Variants in IQSEC1 observed in about 807,000 individuals in gnomAD.
IQSEC1 encodes the protein IQ motif and Sec7 domain ArfGEF 1, also known as IQ motif and SEC7 domain-containing protein 1.
IQSEC1 carries 31 observed loss-of-function variants against 91.0 expected under a neutral mutation model. That is an observed-to-expected ratio of 0.34 (90% CI 0.26 to 0.46). The LOEUF is 0.46. Among genes scored for constraint, IQSEC1 ranks in the 20% least tolerant of loss-of-function variants. The probability of loss-of-function intolerance (pLI) is 1.00; values close to 1 mark genes in which losing one functional copy is unlikely to be tolerated. For missense variants in IQSEC1, 1,388 were observed against 1,575.6 expected (o/e 0.88, Z 2.02); for synonymous variants, 699 against 662.6 (o/e 1.05, Z -0.84).
chr3:13,199,190 AG>A (rs1028899697), intron 1 of IQSEC1, among the ~76,000 whole-genome samples: 1 of 152,198 alleles, frequency 6.6e-6, no homozygotes, highest in Non-Finnish European at 1.5e-5. Context: ...CTCAGCCCGG[AG>A]GAGGCACTGG....
intron 2 of IQSEC1, among the ~76,000 whole-genome samples, chr3:13,134,832 C>T (rs1342946499): frequency 6.6e-6 from 1 of 152,178 alleles, no homozygotes; most frequent in Non-Finnish European, 1.5e-5. Flanking sequence ...AGAGTCCCCA[C>T]AGCTGGCCCA....
intron 3 of IQSEC1, among the ~76,000 whole-genome samples, chr3:12,926,060 C>T (rs1292583937): frequency 1.3e-5 from 2 of 152,168 alleles, no homozygotes; most frequent in African/African-American, 4.8e-5. Context: ...CCTGTAATTC[C>T]AGTACTTCAG....
At chr3:13,234,621 C>T (rs960879290) in intron 1 of IQSEC1, among the ~76,000 whole-genome samples, 3 of 152,152 alleles carry the variant, frequency 2.0e-5, no homozygotes, top group Non-Finnish European at 4.4e-5. Flanking sequence ...AAAAGAAACC[C>T]ACACAGGTTA....
chr3:12,996,054 G>A (rs1340876832), intron 1 of IQSEC1, among the ~76,000 whole-genome samples: 1 of 152,094 alleles, frequency 6.6e-6, no homozygotes, highest in Non-Finnish European at 1.5e-5. Context: ...CCAGCTACTC[G>A]GGAGGCTGAG....
chr3:13,223,445 C>T (rs549377964), intron 1 of IQSEC1, among the ~76,000 whole-genome samples: 2 of 152,328 alleles, frequency 1.3e-5, no homozygotes, highest in East Asian at 3.9e-4. Flanking sequence ...AGCTTCTCCG[C>T]CCACCCAGCA....
chr3:12,941,030 T>C (rs377279753), intron 2 of IQSEC1, among the ~76,000 whole-genome samples: 1 of 152,176 alleles, frequency 6.6e-6, no homozygotes, highest in Non-Finnish European at 1.5e-5. Context: ...AATGAGGGGA[T>C]TTCCCACAGG....
At chr3:13,027,104 C>T (rs1220285583) in intron 1 of IQSEC1, among the ~76,000 whole-genome samples, 1 of 152,176 alleles carries the variant, frequency 6.6e-6, no homozygotes, top group Non-Finnish European at 1.5e-5. Context: ...AACTTCAAAA[C>T]CCTGGATCCC....
At position 13,045,493 on chromosome 3, in the gene IQSEC1, T is replaced by C. The variant is rs531656714; in HGVS notation, c.23+27499A>G. Among the ~76,000 whole-genome samples the C allele has an allele frequency of 1.2e-3, 182 of 152,264 alleles. 1 individual carries two copies. The highest frequency in any genetic ancestry group is 6.8e-3 in the Middle Eastern group (2 of 294). On this transcript the variant is annotated intron_variant, in intron 1 of 13. Transcript: ENST00000613206. Reference sequence around the variant, plus strand: ...ACGGCCTCCGCTCTGATCCCTGCTCTGTCCTCCAGGGAGTGAGGCACTGGG... The same window carrying C: ...ACGGCCTCCGCTCTGATCCCTGCTCCGTCCTCCAGGGAGTGAGGCACTGGG...
chr3:13,276,174 T>C (rs1028203156), intron 1 of IQSEC1, among the ~76,000 whole-genome samples: 1 of 139,362 alleles, frequency 7.2e-6, no homozygotes, highest in Admixed American at 8.1e-5. Context: ...CTGCAAGCTC[T>C]GCCTCCCAGG....
rs192997548 is a variant in IQSEC1 at position 13,241,920 on chromosome 3, C to T, written c.272+40791G>A. 1.8e-4 allele frequency among the ~76,000 whole-genome samples: 28 copies of T among 152,326 alleles called. No individual in the cohort carries two copies. In the East Asian group the frequency reaches 4.4e-3, roughly 24 times the overall value. On this transcript the variant is annotated intron_variant, in intron 1 of 15. Coordinates refer to the IQSEC1 transcript ENST00000648114. ...AGGAGGCAGATGGTGGAGAAGGTGG[C>T]GCCACTGAGTGAATGTGATTGACGC... is the stretch of plus-strand genomic sequence containing the variant.
intron 1 of IQSEC1, among the ~76,000 whole-genome samples, chr3:13,169,900 C>T (rs1002232723): frequency 6.6e-6 from 1 of 152,142 alleles, no homozygotes; most frequent in African/African-American, 2.4e-5. Flanking sequence ...TGCAGCCTGA[C>T]AATGAGATAG....
rs1385254794 is a variant in IQSEC1 at position 12,967,632 on chromosome 3, C to T, written c.24-25767G>A. On this transcript the variant is annotated intron_variant, in intron 1 of 13. Coordinates refer to ENST00000613206, the MANE Select transcript of IQSEC1 (RefSeq NM_001134382.3). This position sits in a 1 kb window ranked among gnomAD's most constrained non-coding sequence, Gnocchi z 5.9. ...CAGCGTCCGCCGGCTCCCGCGGCTC[C>T]GGCCCCAAGTCCGAGCCCCAGGCCA... 19 of 1,230,628 alleles carry T rather than the reference C, an allele frequency of 1.5e-5. No individual in the cohort carries two copies. The highest frequency in any genetic ancestry group is 4.1e-6 in the Non-Finnish European group (4 of 987,404). The allele number at this position is 1,230,628 out of a possible 1,614,324, so 76.2% of individuals were successfully genotyped here. A position where few individuals can be genotyped will look rare whatever the true frequency, so the allele number is the denominator to read the frequency against.
chr3:13,062,755 G>C (rs1395105070), intron 1 of IQSEC1, among the ~76,000 whole-genome samples: 2 of 152,156 alleles, frequency 1.3e-5, no homozygotes, highest in Non-Finnish European at 2.9e-5. Context: ...GGGCCAATGA[G>C]AGCCTTAAGA....
In IQSEC1 at chr3:13,015,750, C is replaced by T. The variant is rs1703097000; in HGVS notation, c.23+57242G>A. 6.1e-6 allele frequency: 6 copies of T among 985,066 alleles called. No individual in the cohort carries two copies. The South Asian group carries it at 2.3e-4, about 39-fold the overall frequency. 61.0% of individuals were successfully genotyped at this position (985,066 alleles called of 1,614,324 possible). On this transcript the variant is annotated intron_variant, in intron 1 of 13. Transcript: ENST00000613206. ...CACCCAGGGGAGAGGGTGCCAGGCA[C>T]CCTGGGGCCCCCGCCCACCTGCCCT...
rs986404469 is a variant in IQSEC1, at chr3:13,055,200, G to A, written c.23+17792C>T. Among the ~76,000 whole-genome samples the A allele has an allele frequency of 2.6e-5, 4 of 152,234 alleles. No homozygotes were observed. In the South Asian group the frequency reaches 6.2e-4, roughly 24 times the overall value. On this transcript the variant is annotated intron_variant, in intron 1 of 13. Coordinates refer to ENST00000613206, the MANE Select transcript of IQSEC1 (RefSeq NM_001134382.3). ...ACTGCCCTGCCCAGGAGCTCAGCCC[G>A]CCTGTGTCTGGAACACTCCCTCCTC... is the stretch of plus-strand genomic sequence containing the variant.
intron 1 of IQSEC1, among the ~76,000 whole-genome samples, chr3:13,247,169 C>G (rs1237347541): frequency 6.6e-6 from 1 of 152,170 alleles, no homozygotes; most frequent in African/African-American, 2.4e-5. Context: ...CGGTTGCTAA[C>G]TCATCCATAA....
At chr3:12,902,890 C>G in intron 12 of IQSEC1, 68 bp from the exon 13 acceptor site, 1 of 1,191,164 alleles carries the variant, frequency 8.4e-7, no homozygotes, top group Non-Finnish European at 1.3e-6. Flanking sequence ...CTGCCTGGTG[C>G]CACGCTGCTG....
chr3:13,103,182 G>A lies in IQSEC1; in HGVS notation c.303-55660C>T, dbSNP rs1280461633. ...GCCCCAGGCAGGTCAGTTCAGGGAAGGGGCCTGCATCGAACTCTCGCCACC... is the reference window on the plus strand; with the variant it reads ...GCCCCAGGCAGGTCAGTTCAGGGAAAGGGCCTGCATCGAACTCTCGCCACC... On this transcript the variant is annotated intron_variant, in intron 2 of 15. Transcript: ENST00000648114. This position sits in a 1 kb window ranked among gnomAD's most constrained non-coding sequence, Gnocchi z 4.1. 4.6e-5 allele frequency among the ~76,000 whole-genome samples: 7 copies of A among 152,256 alleles called. No homozygotes were observed. In the East Asian group the frequency reaches 1.4e-3, roughly 30 times the overall value.
chr3:13,197,472 G>A (rs956004115), intron 1 of IQSEC1, among the ~76,000 whole-genome samples: 5 of 152,150 alleles, frequency 3.3e-5, no homozygotes, highest in African/African-American at 9.7e-5. Context: ...CTCATCACCA[G>A]GCCAGCTGCA....
Sources: allele counts gnomAD v4.1 joint callset (sites outside exome capture counted in the v4.1 genomes callset), GRCh38; gene constraint gnomAD v4.1.1; non-coding constraint Gnocchi (gnomAD v3.1); transcripts MANE v1.5; gene names NCBI Gene and HGNC (gene_info 2026-07-23, HGNC 2026-07-21).